MACC1: variants seen among roughly 807,000 people sequenced by gnomAD.
The protein encoded by MACC1 is metastasis-associated in colon cancer protein 1.
Under a neutral mutation model 70.7 loss-of-function variants are expected in MACC1, and 79 were observed. The ratio of observed to expected loss-of-function variants is 1.12; its 90% CI spans 0.93 to 1.35. The LOEUF (loss-of-function observed/expected upper bound fraction) is 1.35, where lower values mean the gene tolerates loss of function less well. MACC1 is among the 40% of genes most tolerant of loss of function. The pLI, the probability that MACC1 is intolerant of heterozygous loss-of-function variation, is 0.00. For missense variants in MACC1, 1,106 were observed against 978.1 expected, an observed-to-expected ratio of 1.13 and a Z score of -1.74; for synonymous variants, 361 against 347.2, an observed-to-expected ratio of 1.04 and a Z score of -0.44.
At chr7:20,205,350 A>G (rs879372892) in intron 1 of MACC1, among the ~76,000 whole-genome samples, 16 of 152,244 alleles carry the variant, frequency 1.1e-4, no homozygotes, top group Non-Finnish European at 2.4e-4. Flanking sequence ...TACAGCAGAT[A>G]TTCTTAAAAT....
chr7:20,203,849 A>G lies in MACC1; in HGVS notation c.-218+13450T>C, dbSNP rs908834172. 3.3e-5 allele frequency among the ~76,000 whole-genome samples: 5 copies of G among 152,288 alleles called. No homozygotes were observed. The East Asian group carries it at 7.7e-4, about 24-fold the overall frequency. Reference sequence around the variant, plus strand: ...AACAACTTGTTTCTATGCAAAAATGATCATTGTGGCTCTGGTAATAATAGC... The same window carrying G: ...AACAACTTGTTTCTATGCAAAAATGGTCATTGTGGCTCTGGTAATAATAGC... On this transcript the variant is annotated intron_variant, in intron 1 of 6. Transcript: ENST00000400331.
intron 6 of MACC1, 103 bp from the exon 7 acceptor site, chr7:20,141,261 A>G: frequency 4.2e-6 from 3 of 718,176 alleles, no homozygotes; most frequent in Non-Finnish European, 6.5e-6. Flanking sequence ...TTAAGATAAA[A>G]CGGAATACCA....
intron 1 of MACC1, among the ~76,000 whole-genome samples, chr7:20,203,821 T>C (rs1297481463): frequency 2.6e-5 from 4 of 152,178 alleles, no homozygotes; most frequent in African/African-American, 9.7e-5. Flanking sequence ...ATTTTTTCAA[T>C]TTAACAACTT....
intron 6 of MACC1, among the ~76,000 whole-genome samples, chr7:20,144,628 TA>T (rs1781859867): frequency 6.6e-6 from 1 of 152,174 alleles, no homozygotes; most frequent in African/African-American, 2.4e-5. Flanking sequence ...AGAAAGTACT[TA>T]TTTTTTTGGC....
At chr7:20,200,162 A>G (rs1782812389) in intron 1 of MACC1, among the ~76,000 whole-genome samples, 1 of 152,128 alleles carries the variant, frequency 6.6e-6, no homozygotes, top group Non-Finnish European at 1.5e-5. Context: ...TGGGAATAAC[A>G]GTTTTATTGG....
intron 1 of MACC1, among the ~76,000 whole-genome samples, chr7:20,187,553 T>G (rs1400959647): frequency 2.6e-5 from 4 of 152,266 alleles, no homozygotes; most frequent in Non-Finnish European, 4.4e-5. Context: ...GCCCCTTTAC[T>G]CCCTAAACAC....
chr7:20,182,804 TA>T (rs760998089), intron 1 of MACC1, among the ~76,000 whole-genome samples: 1 of 152,062 alleles, frequency 6.6e-6, no homozygotes, highest in Non-Finnish European at 1.5e-5. Context: ...TTTCACAGAA[TA>T]GACAATGTAA....
intron 1 of MACC1, among the ~76,000 whole-genome samples, chr7:20,178,152 ATTTAT>A (rs919395821): frequency 2.2e-4 from 34 of 152,268 alleles, no homozygotes; most frequent in African/African-American, 7.7e-4. Flanking sequence ...GAATGTATAA[ATTTAT>A]TTTATGTTTC....
At chr7:20,155,189 T>C (rs930064492) in intron 5 of MACC1, among the ~76,000 whole-genome samples, 2 of 152,140 alleles carry the variant, frequency 1.3e-5, no homozygotes, top group African/African-American at 4.8e-5. Context: ...TACCTCTTCT[T>C]TGTTCAAATG....
intron 6 of MACC1, 95 bp downstream of exon 6, chr7:20,154,098 C>T: frequency 3.1e-6 from 4 of 1,290,264 alleles, no homozygotes; most frequent in Non-Finnish European, 4.4e-6. Flanking sequence ...TGGACATTCC[C>T]CCAGTGAATC....
chr7:20,196,866 C>G (rs2128107762), intron 1 of MACC1, among the ~76,000 whole-genome samples: 1 of 152,294 alleles, frequency 6.6e-6, no homozygotes, highest in African/African-American at 2.4e-5. Context: ...CCACAAACTT[C>G]ACCTCGCAGC....
At chr7:20,152,522 A>G (rs1487337776) in intron 6 of MACC1, among the ~76,000 whole-genome samples, 3 of 152,208 alleles carry the variant, frequency 2.0e-5, no homozygotes, top group African/African-American at 7.2e-5. Context: ...AGGCCAATAT[A>G]CTGTGGATTT....
intron 1 of MACC1, among the ~76,000 whole-genome samples, chr7:20,201,717 A>T (rs1165022594): frequency 6.6e-6 from 1 of 152,234 alleles, no homozygotes; most frequent in East Asian, 1.9e-4. Context: ...GTAAGAATGG[A>T]GAGAAGTGGA....
At chr7:20,185,264 G>C (rs1283517529) in intron 1 of MACC1, among the ~76,000 whole-genome samples, 5 of 152,134 alleles carry the variant, frequency 3.3e-5, no homozygotes, top group African/African-American at 4.8e-5. Flanking sequence ...TGCTTTGGAA[G>C]CTTTTAAAAG....
chr7:20,189,837 G>A (rs1228262590), intron 1 of MACC1, among the ~76,000 whole-genome samples: 3 of 151,930 alleles, frequency 2.0e-5, no homozygotes, highest in East Asian at 3.9e-4. Flanking sequence ...TCAGGCTTCT[G>A]TAACAAAACA....
chr7:20,211,307 G>GT (rs1782993016), intron 1 of MACC1, among the ~76,000 whole-genome samples: 1 of 151,954 alleles, frequency 6.6e-6, no homozygotes, highest in Non-Finnish European at 1.5e-5. Context: ...TTGGCATATA[G>GT]TAAGTACTCA....
intron 5 of MACC1, among the ~76,000 whole-genome samples, chr7:20,155,710 T>C (rs994772017): frequency 3.3e-5 from 5 of 152,210 alleles, no homozygotes; most frequent in South Asian, 4.1e-4. Flanking sequence ...CCTGAAAGTA[T>C]GCAATTAGAA....
intron 6 of MACC1, among the ~76,000 whole-genome samples, chr7:20,143,646 C>G (rs1423887022): frequency 6.6e-6 from 1 of 152,190 alleles, no homozygotes; most frequent in African/African-American, 2.4e-5. Flanking sequence ...GCCTCGGACT[C>G]GCAAAGTGCT....
intron 1 of MACC1, among the ~76,000 whole-genome samples, chr7:20,196,015 A>G (rs1313436711): frequency 2.6e-5 from 4 of 151,972 alleles, no homozygotes; most frequent in African/African-American, 4.8e-5. Context: ...GGTGTAACAA[A>G]GCGTTTCTGA....
Sources: gnomAD v4.1 joint callset for allele counts (sites outside exome capture counted in the v4.1 genomes callset) on GRCh38, gnomAD v4.1.1 for gene constraint, MANE v1.5 for transcripts, NCBI Gene and HGNC (gene_info 2026-07-23, HGNC 2026-07-21) for gene names.